CDON: variants seen among roughly 807,000 people sequenced by gnomAD.
CDON encodes the protein cell adhesion molecule-related/down-regulated by oncogenes.
In CDON, 73 loss-of-function variants were observed where a neutral mutation model predicts 120.9. The ratio of observed to expected loss-of-function variants is 0.60; its 90% CI spans 0.50 to 0.73. The LOEUF (loss-of-function observed/expected upper bound fraction) is 0.73, where lower values mean the gene tolerates loss of function less well. Ranked by LOEUF, CDON falls within the 30% of genes least tolerant of loss-of-function variation. The pLI, the probability that CDON is intolerant of heterozygous loss-of-function variation, is 0.00. For missense variants in CDON, 1,470 were observed against 1,587.3 expected, an observed-to-expected ratio of 0.93 and a Z score of 1.26; for synonymous variants, 566 against 573.5, an observed-to-expected ratio of 0.99 and a Z score of 0.19.
chr11:125,966,346 G>A (rs559309753), intron 18 of CDON, among the ~76,000 whole-genome samples: 67 of 152,156 alleles, frequency 4.4e-4, no homozygotes, highest in Non-Finnish European at 7.2e-4. Flanking sequence ...TAAAGTAACC[G>A]AACTTTAAGA....
At chr11:126,022,586 GA>G (rs1022671083) in intron 2 of CDON, among the ~76,000 whole-genome samples, 2 of 151,762 alleles carry the variant, frequency 1.3e-5, no homozygotes, top group East Asian at 1.9e-4. Flanking sequence ...ATACTTAAGA[GA>G]AAAAAAATCA....
At chr11:126,043,187 T>C (rs1438635352) in intron 1 of CDON, among the ~76,000 whole-genome samples, 1 of 152,170 alleles carries the variant, frequency 6.6e-6, no homozygotes, top group Non-Finnish European at 1.5e-5. Context: ...AATCAGATGT[T>C]TGCACAGGAG....
intron 15 of CDON, among the ~76,000 whole-genome samples, chr11:125,989,255 T>C (rs1331977616): frequency 3.3e-5 from 5 of 152,134 alleles, no homozygotes; most frequent in Non-Finnish European, 4.4e-5. Flanking sequence ...AATAGTCATG[T>C]CCAGGCACGG....
chr11:126,042,780 C>A (rs979733461), intron 1 of CDON, among the ~76,000 whole-genome samples: 3 of 152,196 alleles, frequency 2.0e-5, no homozygotes. Context: ...CGCTGCCATG[C>A]TCGGCTTCTT....
chr11:125,971,565 T>C (rs932170627), intron 18 of CDON, among the ~76,000 whole-genome samples: 2 of 152,198 alleles, frequency 1.3e-5, no homozygotes, highest in Non-Finnish European at 2.9e-5. Context: ...TGAAGTCATT[T>C]GTAGTATCTC....
At position 125,957,729 on chromosome 11, in the gene CDON, T is replaced by C. The variant is rs1330718310; in HGVS notation, c.*3213A>G. The C allele has an allele frequency of 6.6e-6, 1 of 152,222 alleles. No homozygotes were observed. Among genetic ancestry groups the C allele is most frequent in the Non-Finnish European group, 1.5e-5 (1 of 68,038 alleles). The allele number at this position is 152,222 out of a possible 1,614,324, so 9.4% of individuals were successfully genotyped here. A position where few individuals can be genotyped will look rare whatever the true frequency, so the allele number is the denominator to read the frequency against. ...AGCCCAAGATGGATGCATTGAGTCT[T>C]CATAGACTCATTCGACAAAAACACC... On this transcript the variant is annotated 3_prime_UTR_variant, in exon 20 of 20. Transcript: ENST00000531738.
chr11:126,005,563 G>A, intron 9 of CDON, 196 bp downstream of exon 9: 2 of 611,368 alleles, frequency 3.3e-6, no homozygotes, highest in Non-Finnish European at 5.8e-6. Flanking sequence ...CAATTTGGGG[G>A]GAAATTATAC....
At chr11:125,998,714 T>G (rs1946857321) in intron 11 of CDON, among the ~76,000 whole-genome samples, 1 of 152,206 alleles carries the variant, frequency 6.6e-6, no homozygotes, top group Non-Finnish European at 1.5e-5. Flanking sequence ...AATAATCCGG[T>G]CTGTATGACA....
At chr11:125,973,018 C>CTTTTTTTTTTTTTT (rs35828939) in intron 18 of CDON, among the ~76,000 whole-genome samples, 8,564 of 86,794 alleles carry the variant, frequency 0.099, 1,046 homozygotes, top group Non-Finnish European at 0.13. Context: ...ATTACTTGGT[C>CTTTTTTTTTTTTTT]TTTTTTTTTT....
chr11:126,010,419 G>C lies in CDON; in HGVS notation c.1474C>G (p.Gln492Glu), dbSNP rs1371468076. 2 of 1,614,132 alleles carry C rather than the reference G, an allele frequency of 1.2e-6. No homozygotes were observed. Among genetic ancestry groups the C allele is most frequent in the South Asian group, 2.2e-5 (2 of 91,072 alleles). The change falls in exon 8 of 20, where the codon CAG becomes GAG. Residue 492 changes from glutamine to glutamate, a missense_variant. Gln to Glu is a conservative substitution (Grantham distance 29). Coordinates refer to ENST00000531738, the MANE Select transcript of CDON (RefSeq NM_001378964.1). Reference sequence around the variant, plus strand: ...CAGATGTATTTCCCCGCATGTTCCTGAGTCACAGCCTGAATATGGAGAGAG... The same window carrying C: ...CAGATGTATTTCCCCGCATGTTCCTCAGTCACAGCCTGAATATGGAGAGAG... ...ASSLHIQAVT[Q>E]EHAGKYICEA...
At chr11:126,011,712 T>C (rs1173709737) in intron 7 of CDON, among the ~76,000 whole-genome samples, 1 of 152,246 alleles carries the variant, frequency 6.6e-6, no homozygotes, top group Non-Finnish European at 1.5e-5. Context: ...AGGAAGATGT[T>C]TTCATTTCAA....
At chr11:126,038,903 G>C (rs1346298182) in intron 1 of CDON, among the ~76,000 whole-genome samples, 2 of 152,094 alleles carry the variant, frequency 1.3e-5, no homozygotes, top group African/African-American at 4.8e-5. Context: ...TTCTTTGCTT[G>C]AACAGCCTCG....
At chr11:125,971,987 T>C (rs1029218818) in intron 18 of CDON, among the ~76,000 whole-genome samples, 1 of 152,236 alleles carries the variant, frequency 6.6e-6, no homozygotes, top group African/African-American at 2.4e-5. Flanking sequence ...GTTTTTTGAT[T>C]AAAATCCATT....
At chr11:125,988,582 C>A (rs1037958470) in intron 15 of CDON, among the ~76,000 whole-genome samples, 5 of 152,164 alleles carry the variant, frequency 3.3e-5, no homozygotes, top group African/African-American at 1.2e-4. Context: ...TTGAAGCCTA[C>A]TGAGAGGAGA....
intron 1 of CDON, among the ~76,000 whole-genome samples, chr11:126,060,535 T>A (rs1948772062): frequency 6.6e-6 from 1 of 150,650 alleles, no homozygotes; most frequent in Non-Finnish European, 1.5e-5. Flanking sequence ...CAATCACCAA[T>A]TTTTAGTCTA....
intron 14 of CDON, among the ~76,000 whole-genome samples, chr11:125,992,951 G>T (rs996582789): frequency 6.6e-5 from 10 of 152,136 alleles, no homozygotes; most frequent in African/African-American, 2.2e-4. Flanking sequence ...TCCCTTCCAA[G>T]ATGTCACTGA....
intron 6 of CDON, among the ~76,000 whole-genome samples, chr11:126,016,178 G>T (rs2134664264): frequency 6.6e-6 from 1 of 152,242 alleles, no homozygotes; most frequent in Middle Eastern, 3.4e-3. Context: ...TACATGCAAA[G>T]AGTTTACAAA....
At position 125,961,960 on chromosome 11, in the gene CDON, G is replaced by A. The variant is rs754025360; in HGVS notation, c.3395C>T (p.Pro1132Leu). 1.1e-5 allele frequency: 17 copies of A among 1,614,240 alleles called. No individual in the cohort carries two copies. Among genetic ancestry groups the A allele is most frequent in the South Asian group, 4.4e-5 (4 of 91,080 alleles). Residue 1132 changes from proline (P) to leucine (L), a missense_variant, in exon 19 of 20, where the codon CCT (proline) becomes CTT (leucine). Pro to Leu is a moderately conservative substitution (Grantham distance 98). Transcript: ENST00000531738. Reference protein sequence around the residue: ...TKTNSTFSSSPPPVVPVVAPY... With the variant: ...TKTNSTFSSSLPPVVPVVAPY... ...TGCTACCACAGGGACCACAGGAGGA[G>A]GGCTGCTGCTGAAAGTGCTGTTGGT...
upstream of CDON, among the ~76,000 whole-genome samples, chr11:126,063,042 G>A (rs1157347651): frequency 2.0e-5 from 3 of 151,844 alleles, no homozygotes; most frequent in South Asian, 6.2e-4. Context: ...CGGCCGGAGT[G>A]TGCGCGCGCA....
Sources: allele counts gnomAD v4.1 joint callset (sites outside exome capture counted in the v4.1 genomes callset), GRCh38; gene constraint gnomAD v4.1.1; transcripts MANE v1.5; gene names NCBI Gene and HGNC (gene_info 2026-07-23, HGNC 2026-07-21).